The following IGF2BP2 variants were observed in gnomAD, a reference collection of about 807,000 sequenced individuals.
The protein encoded by IGF2BP2 is insulin-like growth factor 2 mRNA-binding protein 2.
A neutral mutation model predicts 75.8 loss-of-function variants in IGF2BP2; 17 were observed. The observed-to-expected ratio is 0.22, with a 90% CI of 0.15 to 0.34. The LOEUF (loss-of-function observed/expected upper bound fraction) is 0.34. IGF2BP2 is among the 10% of genes least tolerant of loss of function. The pLI, the probability that IGF2BP2 is intolerant of heterozygous loss-of-function variation, is 1.00. For synonymous variants in IGF2BP2, 288 were observed against 295.6 expected, an observed-to-expected ratio of 0.97 and a Z score of 0.26; for missense variants, 516 against 772.4, an observed-to-expected ratio of 0.67 and a Z score of 3.93.
At chr3:185,714,713 C>T (rs1725331649) in intron 2 of IGF2BP2, among the ~76,000 whole-genome samples, 1 of 152,050 alleles carries the variant, frequency 6.6e-6, no homozygotes, top group Non-Finnish European at 1.5e-5. Context: ...TTTGGGAGGC[C>T]AAGTCGAGAG....
At chr3:185,736,938 CA>C (rs1346271106) in intron 2 of IGF2BP2, among the ~76,000 whole-genome samples, 1 of 152,180 alleles carries the variant, frequency 6.6e-6, no homozygotes, top group Non-Finnish European at 1.5e-5. Flanking sequence ...CAGCCCTCCC[CA>C]AATCTAGGCA....
chr3:185,702,670 C>T (rs1419642270), intron 2 of IGF2BP2, among the ~76,000 whole-genome samples: 1 of 152,078 alleles, frequency 6.6e-6, no homozygotes, highest in Non-Finnish European at 1.5e-5. Context: ...CACTCCTCAC[C>T]TGGCTGCCAG....
intron 2 of IGF2BP2, chr3:185,724,311 T>C (rs2149482311): frequency 6.6e-6 from 1 of 152,348 alleles, no homozygotes; most frequent in East Asian, 1.9e-4. Context: ...CTTGTTTCTG[T>C]TGAGTTGTAA....
chr3:185,662,396 T>C (rs570679475), intron 10 of IGF2BP2, among the ~76,000 whole-genome samples: 94 of 150,990 alleles, frequency 6.2e-4, no homozygotes, highest in African/African-American at 2.3e-3. Flanking sequence ...GGGAACTGCT[T>C]GAACCCGGGA....
chr3:185,659,248 GTGAC>G (rs949526818), intron 10 of IGF2BP2, among the ~76,000 whole-genome samples: 6 of 151,892 alleles, frequency 4.0e-5, no homozygotes, highest in Non-Finnish European at 5.9e-5. Context: ...AAGAGAGAGA[GTGAC>G]TGAGAGAGGA....
At chr3:185,668,506 G>GAGAT (rs1314557346) in intron 10 of IGF2BP2, among the ~76,000 whole-genome samples, 1 of 128,006 alleles carries the variant, frequency 7.8e-6, no homozygotes. Flanking sequence ...GAGAGAGAGA[G>GAGAT]AGATATATAT....
At chr3:185,658,299 CAGG>C (rs781334310) in intron 11 of IGF2BP2, 39 bp downstream of exon 11, 3 of 1,583,342 alleles carry the variant, frequency 1.9e-6, no homozygotes, top group South Asian at 2.2e-5. Flanking sequence ...GGCCTAGCCC[CAGG>C]AGAAGTGGCA....
chr3:185,761,520 T>C (rs1029916902), intron 2 of IGF2BP2, among the ~76,000 whole-genome samples: 5 of 152,210 alleles, frequency 3.3e-5, no homozygotes, highest in African/African-American at 1.2e-4. Flanking sequence ...TCCCAAGTGC[T>C]ATTTAAGACA....
At chr3:185,678,262 A>G (rs1719852399) in intron 7 of IGF2BP2, among the ~76,000 whole-genome samples, 1 of 152,236 alleles carries the variant, frequency 6.6e-6, no homozygotes, top group African/African-American at 2.4e-5. Flanking sequence ...CAGATTTCTT[A>G]GCAGAAACTT....
At chr3:185,677,177 C>T (rs1216015580) in intron 7 of IGF2BP2, among the ~76,000 whole-genome samples, 2 of 149,750 alleles carry the variant, frequency 1.3e-5, no homozygotes, top group Non-Finnish European at 3.0e-5. Flanking sequence ...ACATGGCATA[C>T]TGAAGAGCAA....
intron 2 of IGF2BP2, among the ~76,000 whole-genome samples, chr3:185,798,135 A>G (rs576281177): frequency 1.3e-5 from 2 of 152,056 alleles, no homozygotes; most frequent in Non-Finnish European, 2.9e-5. Context: ...CAGGACATGG[A>G]TGTTGCAGTG....
Position 185,645,159 on chromosome 3 carries a change from C to G in IGF2BP2, c.*372G>C, listed in dbSNP as rs921714920. ...ACACATGTACAGAGACGATTTGCCA[C>G]AGAAAAAGGGTGTGCATTTTGCTTG... On this transcript the variant is annotated 3_prime_UTR_variant, in exon 16 of 16. Transcript: ENST00000382199. This position sits in a 1 kb window ranked among gnomAD's most constrained non-coding sequence, Gnocchi z 4.9. 8.1e-6 allele frequency: 2 copies of G among 245,730 alleles called. No homozygotes were observed. The highest frequency in any genetic ancestry group is 4.3e-5 in the African/African-American group (2 of 45,998). The allele number at this position is 245,730 out of a possible 1,614,324, so 15.2% of individuals were successfully genotyped here. A position where few individuals can be genotyped will look rare whatever the true frequency, so the allele number is the denominator to read the frequency against.
At chr3:185,790,661 C>A (rs1007626600) in intron 2 of IGF2BP2, among the ~76,000 whole-genome samples, 2 of 152,152 alleles carry the variant, frequency 1.3e-5, no homozygotes, top group Non-Finnish European at 2.9e-5. Flanking sequence ...GTTAAATCTG[C>A]TCAATTCTAC....
chr3:185,798,508 C>G (rs1737741700), intron 2 of IGF2BP2, among the ~76,000 whole-genome samples: 1 of 152,126 alleles, frequency 6.6e-6, no homozygotes, highest in Non-Finnish European at 1.5e-5. Flanking sequence ...TTTTATTGGA[C>G]TTGGAGTATA....
intron 2 of IGF2BP2, among the ~76,000 whole-genome samples, chr3:185,709,417 C>G (rs1282118894): frequency 6.6e-6 from 1 of 152,208 alleles, no homozygotes; most frequent in Non-Finnish European, 1.5e-5. Context: ...GCAAGCTCCC[C>G]AGGGGCACTT....
chr3:185,801,489 C>CAAAAAAAAAAAAAAAAAAAAAAAA (rs35823870), intron 2 of IGF2BP2, among the ~76,000 whole-genome samples: 1 of 51,664 alleles, frequency 1.9e-5, no homozygotes, highest in Non-Finnish European at 4.1e-5. Flanking sequence ...AACTCCATCT[C>CAAAAAAAAAAAAAAAAAAAAAAAA]AAAAAAAAAA....
chr3:185,749,980 T>C (rs1023449925), intron 2 of IGF2BP2, among the ~76,000 whole-genome samples: 1 of 152,216 alleles, frequency 6.6e-6, no homozygotes, highest in Non-Finnish European at 1.5e-5. Flanking sequence ...TAGAAGCTCT[T>C]TGTAGGTAAG....
rs1038963168 is a variant in IGF2BP2, at chr3:185,647,858, C to A, written c.1594-720G>T. 6.6e-6 allele frequency among the ~76,000 whole-genome samples: 1 copy of A among 152,252 alleles called. No individual in the cohort carries two copies. The highest frequency in any genetic ancestry group is 1.5e-5 in the Non-Finnish European group (1 of 68,044). On this transcript the variant is annotated intron_variant, in intron 14 of 15. Coordinates refer to ENST00000382199, the MANE Select transcript of IGF2BP2 (RefSeq NM_006548.6). This position sits in a 1 kb window ranked among gnomAD's most constrained non-coding sequence, Gnocchi z 4.9. ...TCTGGCCTGATGCCGAGCTCACAGG[C>A]GGGTTCAGCATGTGCTTTAGGGGAA...
chr3:185,701,380 A>AG (rs1246404657), intron 2 of IGF2BP2, among the ~76,000 whole-genome samples: 12 of 150,780 alleles, frequency 8.0e-5, no homozygotes, highest in South Asian at 2.1e-4. Context: ...AAAAAAAAAA[A>AG]AAAGAAAGAA....
Sources: gnomAD v4.1 joint callset for allele counts (sites outside exome capture counted in the v4.1 genomes callset) on GRCh38, gnomAD v4.1.1 for gene constraint, Gnocchi (gnomAD v3.1) non-coding constraint, MANE v1.5 for transcripts, NCBI Gene and HGNC (gene_info 2026-07-23, HGNC 2026-07-21) for gene names.